The following FGGY variants were observed in gnomAD, a reference collection of about 807,000 sequenced individuals.
FGGY encodes FGGY carbohydrate kinase domain containing.
Under a neutral mutation model 71.3 loss-of-function variants are expected in FGGY, and 72 were observed. The observed-to-expected ratio is 1.01, with a 90% CI of 0.84 to 1.23. The LOEUF is 1.23. Among genes scored for constraint, FGGY ranks in the 50% most tolerant of loss-of-function variants. FGGY has a pLI of 0.00. For synonymous variants in FGGY, 251 were observed against 250.3 expected (o/e 1.00, Z -0.02); for missense variants, 668 against 682.3 (o/e 0.98, Z 0.23).
intron 14 of FGGY, among the ~76,000 whole-genome samples, chr1:59,678,550 C>G (rs149533482): frequency 3.9e-5 from 6 of 152,204 alleles, no homozygotes; most frequent in South Asian, 2.1e-4. Flanking sequence ...AAACAAGAAG[C>G]AGTTTCAAGT....
chr1:59,671,014 A>G (rs1010864044), intron 13 of FGGY, among the ~76,000 whole-genome samples: 6 of 152,134 alleles, frequency 3.9e-5, no homozygotes, highest in African/African-American at 1.2e-4. Context: ...GGTCTTACTC[A>G]TTATTTTAAT....
intron 5 of FGGY, among the ~76,000 whole-genome samples, chr1:59,406,792 T>G (rs2062825939): frequency 6.6e-6 from 1 of 152,206 alleles, no homozygotes; most frequent in Non-Finnish European, 1.5e-5. Context: ...GATCTTTCCA[T>G]CTCTTGTTAC....
intron 8 of FGGY, among the ~76,000 whole-genome samples, chr1:59,601,042 A>G (rs1396734527): frequency 6.7e-6 from 1 of 148,568 alleles, no homozygotes; most frequent in Non-Finnish European, 1.5e-5. Context: ...TTGTGTATAA[A>G]TGGTTTTTCT....
chr1:59,631,656 T>G (rs2096909570), intron 10 of FGGY, among the ~76,000 whole-genome samples: 1 of 152,204 alleles, frequency 6.6e-6, no homozygotes, highest in Non-Finnish European at 1.5e-5. Context: ...ATCTCAGAGC[T>G]TAGGGTCAGC....
intron 4 of FGGY, among the ~76,000 whole-genome samples, chr1:59,354,721 T>C (rs77149373): frequency 0.025 from 3,808 of 152,234 alleles, 184 homozygotes; most frequent in African/African-American, 0.088. Context: ...ATGAGTGGGA[T>C]AAGGGCCCTG....
At chr1:59,378,654 G>A (rs1374093673) in intron 4 of FGGY, 95 bp from the exon 5 acceptor site, 1 of 1,041,488 alleles carries the variant, frequency 9.6e-7, no homozygotes, top group Non-Finnish European at 1.4e-6. Flanking sequence ...GGCATTGTTG[G>A]CTATGCTTTT....
chr1:59,373,022 C>G (rs947658893), intron 4 of FGGY, among the ~76,000 whole-genome samples: 3 of 152,084 alleles, frequency 2.0e-5, no homozygotes, highest in African/African-American at 7.2e-5. Flanking sequence ...CCCTCTCTCA[C>G]CACTCCCATT....
intron 14 of FGGY, among the ~76,000 whole-genome samples, chr1:59,687,990 A>G (rs576656919): frequency 1.3e-5 from 2 of 152,346 alleles, no homozygotes; most frequent in Admixed American, 1.3e-4. Context: ...GCTGGTTATC[A>G]TGGAGAGACG....
chr1:59,691,599 A>C (rs2097587350), intron 14 of FGGY, among the ~76,000 whole-genome samples: 1 of 151,422 alleles, frequency 6.6e-6, no homozygotes, highest in African/African-American at 2.4e-5. Flanking sequence ...GCTGGCCCTC[A>C]GAAAAGCCTT....
intron 6 of FGGY, among the ~76,000 whole-genome samples, chr1:59,459,881 A>G (rs370827051): frequency 1.3e-5 from 2 of 152,196 alleles, no homozygotes; most frequent in African/African-American, 4.8e-5. Context: ...TGAATTATAG[A>G]GTGATTATCT....
chr1:59,612,996 G>T (rs1008469098), intron 9 of FGGY, among the ~76,000 whole-genome samples: 25 of 152,156 alleles, frequency 1.6e-4, no homozygotes, highest in Admixed American at 2.6e-4. Context: ...GATTCATAAA[G>T]CAAGTCCTTA....
At chr1:59,354,921 T>TC (rs2054009934) in intron 4 of FGGY, among the ~76,000 whole-genome samples, 1 of 152,202 alleles carries the variant, frequency 6.6e-6, no homozygotes, top group Non-Finnish European at 1.5e-5. Flanking sequence ...GAGCAACAGA[T>TC]TCACTGTGGG....
chr1:59,492,483 C>G (rs145690956), intron 6 of FGGY, among the ~76,000 whole-genome samples: 1 of 152,210 alleles, frequency 6.6e-6, no homozygotes, highest in African/African-American at 2.4e-5. Flanking sequence ...ATTAACATCC[C>G]CAGAGCAAAA....
chr1:59,348,122 C>T (rs2052483390), intron 4 of FGGY, among the ~76,000 whole-genome samples: 1 of 152,038 alleles, frequency 6.6e-6, no homozygotes, highest in Non-Finnish European at 1.5e-5. Flanking sequence ...AAAAAACAAC[C>T]CCATCAACAA....
intron 14 of FGGY, among the ~76,000 whole-genome samples, chr1:59,686,026 T>C (rs550900317): frequency 3.3e-5 from 5 of 152,220 alleles, no homozygotes; most frequent in Non-Finnish European, 5.9e-5. Flanking sequence ...TTAGAAATCC[T>C]TCCATGGAAC....
At chr1:59,366,181 A>G (rs1164027827) in intron 4 of FGGY, among the ~76,000 whole-genome samples, 1 of 152,232 alleles carries the variant, frequency 6.6e-6, no homozygotes, top group Non-Finnish European at 1.5e-5. Context: ...AAAGCCCTTC[A>G]GGGGGAGGAA....
At chr1:59,346,542 T>C (rs1193759504) in intron 4 of FGGY, 144 bp downstream of exon 4, 2 of 888,530 alleles carry the variant, frequency 2.3e-6, no homozygotes, top group Non-Finnish European at 3.4e-6. Flanking sequence ...CCCATTTTAT[T>C]GATTACAGTG....
chr1:59,605,963 C>T (rs988339606), intron 8 of FGGY, among the ~76,000 whole-genome samples: 8 of 152,270 alleles, frequency 5.3e-5, no homozygotes, highest in African/African-American at 1.9e-4. Context: ...CTTCCCTACC[C>T]TCTAGCTAAA....
At chr1:59,313,625 A>G (rs2044799239) in intron 1 of FGGY, among the ~76,000 whole-genome samples, 1 of 152,210 alleles carries the variant, frequency 6.6e-6, no homozygotes, top group Non-Finnish European at 1.5e-5. Flanking sequence ...CTACTCAGCC[A>G]TAAAAAGGAA....
Sources: gnomAD v4.1 joint callset for allele counts (sites outside exome capture counted in the v4.1 genomes callset) on GRCh38, gnomAD v4.1.1 for gene constraint, MANE v1.5 for transcripts, NCBI Gene and HGNC (gene_info 2026-07-23, HGNC 2026-07-21) for gene names.